TNFRSF11A: variants seen among roughly 807,000 people sequenced by gnomAD.
TNFRSF11A encodes the protein tumor necrosis factor receptor superfamily member 11A.
In TNFRSF11A, 32 loss-of-function variants were observed where a neutral mutation model predicts 55.7. That is an observed-to-expected ratio of 0.57 (90% CI 0.43 to 0.77). TNFRSF11A has a LOEUF of 0.77. Ranked by LOEUF, TNFRSF11A falls within the 30% of genes least tolerant of loss-of-function variation. The pLI is 0.00. For missense variants in TNFRSF11A, 753 were observed against 809.8 expected (o/e 0.93, Z 0.85); for synonymous variants, 311 against 331.0 (o/e 0.94, Z 0.65).
At chr18:62,358,472 A>G in intron 5 of TNFRSF11A, 131 bp downstream of exon 5, 2 of 863,830 alleles carry the variant, frequency 2.3e-6, no homozygotes, top group Admixed American at 3.8e-5. Flanking sequence ...TTCAAAATGG[A>G]AAAAGTCTGT....
chr18:62,325,464 G>A lies in TNFRSF11A; in HGVS notation c.75+37G>A. ...CCGCGCCTGCCGGGCCGCGCGGCCC[G>A]ACGCCTCCTCGGGAGCCCCGGGAAG... is the stretch of plus-strand genomic sequence containing the variant. On this transcript the variant is annotated intron_variant, in intron 1 of 9. Transcript: ENST00000586569. The surrounding 1 kb of genome is among the most constrained non-coding windows in gnomAD (Gnocchi z 4.7). 2 of 1,192,804 alleles carry A rather than the reference G, an allele frequency of 1.7e-6. No homozygotes were observed. The highest frequency in any genetic ancestry group is 1.6e-5 in the African/African-American group (1 of 60,698). 73.9% of individuals were successfully genotyped at this position (1,192,804 alleles called of 1,614,324 possible).
intron 9 of TNFRSF11A, among the ~76,000 whole-genome samples, chr18:62,375,996 T>C (rs1910867048): frequency 6.6e-6 from 1 of 152,132 alleles, no homozygotes; most frequent in Non-Finnish European, 1.5e-5. Flanking sequence ...GTGATGCTGA[T>C]TTCATTTATT....
intron 9 of TNFRSF11A, 113 bp downstream of exon 9, chr18:62,369,597 T>G (rs1600407782): frequency 7.3e-7 from 1 of 1,366,568 alleles, no homozygotes; most frequent in East Asian, 2.4e-5. Flanking sequence ...AAACCTCAGC[T>G]TGTGCTTTTT....
intron 9 of TNFRSF11A, among the ~76,000 whole-genome samples, chr18:62,382,712 C>T (rs570580705): frequency 1.3e-5 from 2 of 152,228 alleles, no homozygotes; most frequent in African/African-American, 2.4e-5. Context: ...GAAGTCCTTC[C>T]TTTTTCTTTC....
At chr18:62,349,013 A>G (rs1265438813) in intron 2 of TNFRSF11A, among the ~76,000 whole-genome samples, 2 of 152,076 alleles carry the variant, frequency 1.3e-5, no homozygotes, top group African/African-American at 4.8e-5. Flanking sequence ...AGTTAACAAA[A>G]AGAAGTTAAC....
At chr18:62,365,800 ATTTT>A (rs1472356332) in intron 7 of TNFRSF11A, among the ~76,000 whole-genome samples, 4 of 151,684 alleles carry the variant, frequency 2.6e-5, no homozygotes, top group East Asian at 1.9e-4. Context: ...TTTATTTTTT[ATTTT>A]TTATTTTTTT....
chr18:62,368,935 T>A lies in TNFRSF11A; in HGVS notation c.1018T>A (p.Phe340Ile), dbSNP rs764498229. 4 of 1,614,216 alleles carry A rather than the reference T, an allele frequency of 2.5e-6. No homozygotes were observed. Among genetic ancestry groups the A allele is most frequent in the South Asian group, 1.1e-5 (1 of 91,084 alleles). ...VSKTEIEEDS[F>I]RQMPTEDEYM... ...CAAGACCGAGATAGAGGAAGACAGC[T>A]TCAGACAGATGCCCACAGAAGATGA... The change falls in exon 9 of 10, where the codon TTC becomes ATC. Residue 340 changes from phenylalanine (F) to isoleucine (I), a missense_variant. Around this residue, in one of 3 missense-constraint regions of TNFRSF11A, gnomAD observed 567 missense variants for 596.7 expected, o/e 0.95. Transcript: ENST00000586569.
At position 62,387,813 on chromosome 18, in the gene TNFRSF11A, C is replaced by T. The variant is rs1274096638; in HGVS notation, c.*2779C>T. On this transcript the variant is annotated 3_prime_UTR_variant, in exon 10 of 10. Transcript: ENST00000586569. ...TTCAGTGTAACAAACCACCCAAAGACTTAGTGGCTTAAAATAGTCACCATT... is the reference window on the plus strand; with the variant it reads ...TTCAGTGTAACAAACCACCCAAAGATTTAGTGGCTTAAAATAGTCACCATT... The T allele has an allele frequency of 6.6e-6, 1 of 152,172 alleles. No individual in the cohort carries two copies. The highest frequency in any genetic ancestry group is 1.9e-4 in the East Asian group (1 of 5,184). 9.4% of individuals were successfully genotyped at this position (152,172 alleles called of 1,614,324 possible). A position where few individuals can be genotyped will look rare whatever the true frequency, so the allele number is the denominator to read the frequency against.
At chr18:62,363,698 A>G (rs1405686152) in intron 7 of TNFRSF11A, among the ~76,000 whole-genome samples, 2 of 152,138 alleles carry the variant, frequency 1.3e-5, no homozygotes, top group African/African-American at 4.8e-5. Context: ...GAGTCTGTTC[A>G]TTGTTGAATG....
chr18:62,368,216 T>A (rs1009559452), intron 8 of TNFRSF11A, among the ~76,000 whole-genome samples: 3 of 152,236 alleles, frequency 2.0e-5, no homozygotes, highest in African/African-American at 7.2e-5. Context: ...ATTTGAATCT[T>A]TCTTTCCCCA....
intron 7 of TNFRSF11A, among the ~76,000 whole-genome samples, chr18:62,363,117 T>C (rs931099899): frequency 6.6e-6 from 1 of 152,080 alleles, no homozygotes; most frequent in Non-Finnish European, 1.5e-5. Flanking sequence ...GTGCTGGGAT[T>C]ACAGGCGTGA....
chr18:62,329,889 C>T (rs2046127330), intron 1 of TNFRSF11A, among the ~76,000 whole-genome samples: 1 of 152,152 alleles, frequency 6.6e-6, no homozygotes, highest in Non-Finnish European at 1.5e-5. Flanking sequence ...TGCTCTCACG[C>T]CAAGAAGCCC....
At chr18:62,370,546 A>G (rs1360118637) in intron 9 of TNFRSF11A, among the ~76,000 whole-genome samples, 1 of 152,192 alleles carries the variant, frequency 6.6e-6, no homozygotes, top group East Asian at 1.9e-4. Flanking sequence ...CCTTAAACAC[A>G]GAGACTGTTT....
chr18:62,328,660 G>T (rs912447399), intron 1 of TNFRSF11A, among the ~76,000 whole-genome samples: 5 of 152,158 alleles, frequency 3.3e-5, no homozygotes, highest in Non-Finnish European at 2.9e-5. Flanking sequence ...TCATAGGGTG[G>T]GTGGGTGCTC....
intron 5 of TNFRSF11A, among the ~76,000 whole-genome samples, chr18:62,359,448 C>T (rs994353957): frequency 1.3e-5 from 2 of 152,014 alleles, no homozygotes; most frequent in East Asian, 1.9e-4. Context: ...GGTACAAACA[C>T]GGCTCACTGC....
chr18:62,338,817 C>A (rs1340975572), intron 1 of TNFRSF11A, among the ~76,000 whole-genome samples: 1 of 152,116 alleles, frequency 6.6e-6, no homozygotes, highest in Non-Finnish European at 1.5e-5. Context: ...ATCTATTTTC[C>A]ACAATAAAAA....
rs911791917 is a variant in TNFRSF11A at position 62,375,085 on chromosome 18, G to T, written c.1567+5601G>T. 4.6e-3 allele frequency among the ~76,000 whole-genome samples: 265 copies of T among 57,906 alleles called. 1 individual carries two copies. The highest frequency in any genetic ancestry group is 8.8e-3 in the Middle Eastern group (1 of 114). The allele number at this position is 57,906 out of a possible 152,430, so 38.0% of individuals were successfully genotyped here. A position where few individuals can be genotyped will look rare whatever the true frequency, so the allele number is the denominator to read the frequency against. On this transcript the variant is annotated intron_variant, in intron 9 of 9. Coordinates refer to ENST00000586569, the MANE Select transcript of TNFRSF11A (RefSeq NM_003839.4). ...ACACCCTGCTAATTTTTGTGTGTGT[G>T]TTTTTTTTTTTTTAGAGACTGAGTT...
chr18:62,366,466 A>T (rs755235853), intron 7 of TNFRSF11A, among the ~76,000 whole-genome samples: 1 of 152,178 alleles, frequency 6.6e-6, no homozygotes, highest in Non-Finnish European at 1.5e-5. Flanking sequence ...ATCATGTTGT[A>T]TCATATTCAA....
At chr18:62,376,514 A>G (rs1358357452) in intron 9 of TNFRSF11A, among the ~76,000 whole-genome samples, 1 of 152,166 alleles carries the variant, frequency 6.6e-6, no homozygotes, top group African/African-American at 2.4e-5. Flanking sequence ...AGGGGCAGGT[A>G]CAGAGATTTC....
Sources: allele counts gnomAD v4.1 joint callset (sites outside exome capture counted in the v4.1 genomes callset), GRCh38; gene constraint gnomAD v4.1.1; regional missense constraint gnomAD v4.1.1; non-coding constraint Gnocchi (gnomAD v3.1); transcripts MANE v1.5; gene names NCBI Gene and HGNC (gene_info 2026-07-23, HGNC 2026-07-21).